Variants in ENG observed in about 807,000 individuals in gnomAD.
ENG encodes endoglin.
In ENG, 17 loss-of-function variants were observed where a neutral mutation model predicts 71.0. That is an observed-to-expected ratio of 0.24 (90% confidence interval 0.16 to 0.36). The LOEUF (loss-of-function observed/expected upper bound fraction) is 0.36, where lower values mean the gene tolerates loss of function less well. Among genes scored for constraint, ENG ranks in the 10% least tolerant of loss-of-function variants. ENG has a pLI of 1.00. For synonymous variants in ENG, 360 were observed against 366.9 expected, an observed-to-expected ratio of 0.98 and a Z score of 0.21; for missense variants, 749 against 868.3, an observed-to-expected ratio of 0.86 and a Z score of 1.73.
rs201684408 is a variant in ENG, at chr9:127,818,844, C to T, written c.1312-12G>A. 2.9e-4 allele frequency: 471 copies of T among 1,612,034 alleles called. 1 individual carries two copies. The highest frequency in any genetic ancestry group is 5.3e-4 in the Admixed American group (32 of 59,942). On this transcript the variant is annotated splice_polypyrimidine_tract_variant and intron_variant, in intron 10 of 14. Coordinates refer to ENST00000373203, the MANE Select transcript of ENG (RefSeq NM_001114753.3). ...CAGTGCACCTTTTTCTGGGGGAGGA[C>T]GGGAGGGAGACTTGGTCAATCTGGC...
chr9:127,821,998 C>T lies in ENG; in HGVS notation c.1135-1961G>A, dbSNP rs182567694. Reference sequence around the variant, plus strand: ...CCGGGAGGTGGAGGTTGCAGTGAGCCGAGATTGTACCACTGAACTCCAGCC... The same window carrying T: ...CCGGGAGGTGGAGGTTGCAGTGAGCTGAGATTGTACCACTGAACTCCAGCC... On this transcript the variant is annotated intron_variant, in intron 8 of 14. Coordinates refer to ENST00000373203, the MANE Select transcript of ENG (RefSeq NM_001114753.3). 8.7e-4 allele frequency among the ~76,000 whole-genome samples: 131 copies of T among 151,092 alleles called. 2 individuals are homozygous for T. The highest frequency in any genetic ancestry group is 2.3e-3 in the Admixed American group (35 of 15,144).
chr9:127,817,646 G>A, intron 12 of ENG: 1 of 354,624 alleles, frequency 2.8e-6, no homozygotes, highest in Non-Finnish European at 5.4e-6. Context: ...GTGACTCTGG[G>A]GGCGTCCAGG....
chr9:127,819,532 C>T lies in ENG; in HGVS notation c.1311+90G>A, dbSNP rs1025190622. On this transcript the variant is annotated intron_variant, in intron 10 of 14. Coordinates refer to ENST00000373203, the MANE Select transcript of ENG (RefSeq NM_001114753.3). The stretch of plus-strand genomic sequence containing the variant: ...CACACATGGCTTGCCAGGAGTTTCC[C>T]GAGGCCTGCTCCCTCCCAGGCCAGG... 47 of 1,581,774 alleles carry T rather than the reference C, an allele frequency of 3.0e-5. 1 individual carries two copies. The highest frequency in any genetic ancestry group is 4.5e-4 in the Middle Eastern group (2 of 4,470).
intron 3 of ENG, among the ~76,000 whole-genome samples, chr9:127,827,360 A>C (rs1830643220): frequency 6.6e-6 from 1 of 152,244 alleles, no homozygotes; most frequent in South Asian, 2.1e-4. Flanking sequence ...ATAAGAAACA[A>C]AGGAGCCAGA....
chr9:127,818,431 C>T (rs1439957696), intron 11 of ENG, 54 bp from the exon 12 acceptor site: 21 of 1,604,190 alleles, frequency 1.3e-5, no homozygotes, highest in Middle Eastern at 1.7e-4. Flanking sequence ...CACCCCACCC[C>T]ACCTGCTGCC....
Position 127,838,467 on chromosome 9 carries a change from G to A in ENG, c.219+4627C>T, listed in dbSNP as rs367989156. 1.3e-5 allele frequency among the ~76,000 whole-genome samples: 2 copies of A among 152,170 alleles called. No individual in the cohort carries two copies. Among genetic ancestry groups the A allele is most frequent in the Non-Finnish European group, 2.9e-5 (2 of 68,020 alleles). On this transcript the variant is annotated intron_variant, in intron 2 of 14. Transcript: ENST00000373203. This position sits in a 1 kb window ranked among gnomAD's most constrained non-coding sequence, Gnocchi z 4.3. ...TCCCAGGACAGTCTGGGGGAGCTAA[G>A]GTCCCTCCCGGCTCTCTCTCTCTGC...
At chr9:127,816,573 T>A in intron 13 of ENG, 1 of 249,998 alleles carries the variant, frequency 4.0e-6, no homozygotes, top group Non-Finnish European at 8.0e-6. Context: ...CATCCGATTC[T>A]GTGTCATGGG....
intron 1 of ENG, chr9:127,847,052 G>T (rs1221140352): frequency 3.3e-6 from 2 of 609,924 alleles, no homozygotes; most frequent in Middle Eastern, 8.2e-4. Context: ...ACCTCTCTGA[G>T]CCTCAGTTTC....
intron 10 of ENG, chr9:127,819,237 C>CTT (rs757591987): frequency 4.3e-4 from 115 of 268,538 alleles, no homozygotes; most frequent in South Asian, 8.6e-4. Context: ...GCGCCCGGCC[C>CTT]TTTTTTTTTT....
chr9:127,827,178 GC>G, intron 3 of ENG: 7 of 156,180 alleles, frequency 4.5e-5, no homozygotes, highest in Admixed American at 1.9e-4. Flanking sequence ...TGTGATGGGT[GC>G]TCCCCGCCTA....
At chr9:127,817,233 C>T (rs746448063) in intron 12 of ENG, 30 bp from the exon 13 acceptor site, 3 of 1,613,578 alleles carry the variant, frequency 1.9e-6, no homozygotes, top group East Asian at 4.5e-5. Flanking sequence ...CAGTATGTGG[C>T]ACCTTTGGGA....
intron 13 of ENG, 196 bp from the exon 14 acceptor site, chr9:127,816,249 G>A: frequency 2.8e-6 from 2 of 724,836 alleles, no homozygotes; most frequent in Non-Finnish European, 4.6e-6. Flanking sequence ...TGCTAGGACT[G>A]TCCACCTAGA....
chr9:127,816,756 G>C lies in ENG; in HGVS notation c.1741+393C>G, dbSNP rs1051688656. The C allele has an allele frequency of 1.5e-4, 50 of 342,160 alleles. No homozygotes were observed. The Admixed American group carries it at 1.6e-3, about 11-fold the overall frequency. The allele number at this position is 342,160 out of a possible 1,614,324, so 21.2% of individuals were successfully genotyped here. On this transcript the variant is annotated intron_variant, in intron 13 of 14. Coordinates refer to ENST00000373203, the MANE Select transcript of ENG (RefSeq NM_001114753.3). The stretch of plus-strand genomic sequence containing the variant: ...CTGGGGGGAACTGATGGAGAGGCTA[G>C]AGGGGGCGTCCTGCAGGGAGAGGCC...
chr9:127,818,726 C>G lies in ENG; in HGVS notation c.1418G>C (p.Ser473Thr). Residue 473 changes from serine to threonine, a missense_variant, in exon 11 of 15, where the codon AGC becomes ACC. Transcript: ENST00000373203. ...AGGCATGCCAGGTACCTGCACAAAG[C>G]TCTGCTGCCCCGGCTCGATGGTGTT... is the stretch of plus-strand genomic sequence containing the variant. ...ASNTIEPGQQ[S>T]FVQVRVSPSV... 1 of 1,614,106 alleles carries G rather than the reference C, an allele frequency of 6.2e-7. No homozygotes were observed. Among genetic ancestry groups the G allele is most frequent in the Non-Finnish European group, 8.5e-7 (1 of 1,180,012 alleles).
chr9:127,824,262 T>A (rs780484184), intron 8 of ENG, 42 bp downstream of exon 8: 1 of 1,613,810 alleles, frequency 6.2e-7, no homozygotes, highest in Non-Finnish European at 8.5e-7. Flanking sequence ...AGGAACCAGA[T>A]GTCCATGTCA....
chr9:127,849,230 G>A (rs1053330200), intron 1 of ENG, among the ~76,000 whole-genome samples: 2 of 152,210 alleles, frequency 1.3e-5, no homozygotes, highest in East Asian at 1.9e-4. Context: ...GGCTACCTGC[G>A]TCAGGAGTAA....
chr9:127,820,350 T>A (rs369439733), intron 8 of ENG, among the ~76,000 whole-genome samples: 26 of 151,630 alleles, frequency 1.7e-4, no homozygotes, highest in African/African-American at 5.8e-4. Context: ...CGTGCCACCA[T>A]GCCCGGCTAC....
chr9:127,852,575 A>G (rs1829055063), intron 1 of ENG, among the ~76,000 whole-genome samples: 1 of 152,094 alleles, frequency 6.6e-6, no homozygotes, highest in Non-Finnish European at 1.5e-5. Context: ...GCTGTTACAT[A>G]GCTATTACTA....
intron 5 of ENG, 39 bp from the exon 6 acceptor site, chr9:127,825,396 C>G: frequency 6.2e-7 from 1 of 1,605,114 alleles, no homozygotes; most frequent in Non-Finnish European, 8.5e-7. Flanking sequence ...CTGAAGCGGA[C>G]AGGCCAGGCG....
Sources: gnomAD v4.1 joint callset for allele counts (sites outside exome capture counted in the v4.1 genomes callset) on GRCh38, gnomAD v4.1.1 for gene constraint, Gnocchi (gnomAD v3.1) non-coding constraint, MANE v1.5 for transcripts, NCBI Gene and HGNC (gene_info 2026-07-23, HGNC 2026-07-21) for gene names.